DEF8: variants seen among roughly 807,000 people sequenced by gnomAD.
DEF8 encodes differentially expressed in FDCP 8 homolog, also known as DEF-8.
A neutral mutation model predicts 59.1 loss-of-function variants in DEF8; 38 were observed. That is an observed-to-expected ratio of 0.64 (90% CI 0.50 to 0.84). DEF8 has a LOEUF of 0.84. DEF8 is among the 40% of genes least tolerant of loss of function. The pLI is 0.00. For synonymous variants in DEF8, 265 were observed against 250.1 expected (o/e 1.06, Z -0.56); for missense variants, 557 against 615.2 (o/e 0.91, Z 1.00).
In DEF8 at chr16:89,954,105, G is replaced by A; in HGVS notation, c.-10-138G>A. ...CAGGAAAAGGCTGAAGATCAAGGCTGTGGTGTGAGGACTACCCACTTTAGG... is the reference window on the plus strand; with the variant it reads ...CAGGAAAAGGCTGAAGATCAAGGCTATGGTGTGAGGACTACCCACTTTAGG... On this transcript the variant is annotated intron_variant, in intron 2 of 12. Transcript: ENST00000563594. This position sits in a 1 kb window ranked among gnomAD's most constrained non-coding sequence, Gnocchi z 4.3. 2.3e-6 allele frequency: 2 copies of A among 861,838 alleles called. No individual in the cohort carries two copies. Among genetic ancestry groups the A allele is most frequent in the Non-Finnish European group, 1.8e-6 (1 of 558,394 alleles). The allele number at this position is 861,838 out of a possible 1,614,324, so 53.4% of individuals were successfully genotyped here.
chr16:89,964,161 A>C lies in DEF8; in HGVS notation c.1003-9A>C. 1 of 1,613,566 alleles carries C rather than the reference A, an allele frequency of 6.2e-7. No homozygotes were observed. The highest frequency in any genetic ancestry group is 8.5e-7 in the Non-Finnish European group (1 of 1,179,858). On this transcript the variant is annotated splice_polypyrimidine_tract_variant and intron_variant, in intron 10 of 12. Coordinates refer to ENST00000563594, the MANE Select transcript of DEF8 (RefSeq NM_001242818.2). ...GGTGCAGGGCGTCACGGCTGCTGGG[A>C]CTTGGCAGCTCCAGGATCGGCAGCA...
At chr16:89,963,290 G>A (rs865847334) in intron 9 of DEF8, 73 bp from the exon 10 acceptor site, 43 of 1,341,036 alleles carry the variant, frequency 3.2e-5, no homozygotes, top group Non-Finnish European at 3.9e-5. Flanking sequence ...CCGTGGCCCC[G>A]GGTGTGCGGC....
chr16:89,964,021 G>T, intron 10 of DEF8, 149 bp from the exon 11 acceptor site: 2 of 1,068,234 alleles, frequency 1.9e-6, no homozygotes, highest in Non-Finnish European at 2.9e-6. Flanking sequence ...CGGCTTCCTG[G>T]GGCTCCTGGA....
intron 9 of DEF8, among the ~76,000 whole-genome samples, chr16:89,962,420 G>A (rs1297440716): frequency 1.3e-5 from 2 of 152,370 alleles, no homozygotes; most frequent in Non-Finnish European, 1.5e-5. Flanking sequence ...GCACTTGGGA[G>A]GCTGAGGTGG....
At position 89,962,032 on chromosome 16, in the gene DEF8, C is replaced by T; in HGVS notation, c.828C>T (p.Arg276=). Residue 276 remains arginine (R), a synonymous_variant, in exon 9 of 13, where the codon CGC becomes CGT. Transcript: ENST00000563594. The part of the protein sequence containing the change: ...EPRKVSRCSM[R]YLALMVSRPV... ...GGCAGGTTTCTCGCTGCAGCATGCG[C>T]TACCTGGCGCTGATGGTGTCTCGGC... is the stretch of plus-strand genomic sequence containing the variant. 6.2e-7 allele frequency: 1 copy of T among 1,614,076 alleles called. No individual in the cohort carries two copies.
intron 2 of DEF8, chr16:89,950,069 C>G: frequency 1.0e-6 from 1 of 995,632 alleles, no homozygotes; most frequent in Non-Finnish European, 1.2e-6. Context: ...TTTCACAGCC[C>G]GGAGGAGAGC....
chr16:89,952,166 G>C (rs547201028), intron 2 of DEF8, among the ~76,000 whole-genome samples: 47 of 152,300 alleles, frequency 3.1e-4, no homozygotes, highest in South Asian at 4.1e-4. Context: ...CGTGAGCCAC[G>C]GCGCCCAGCC....
chr16:89,955,250 A>G lies in DEF8; in HGVS notation c.206A>G (p.His69Arg). ...ATGGATCTCGGCCTGTCTGAGGACC[A>G]CTTCTCCCGCCCTGTGGTAAGGTTT... Reference protein sequence around the residue: ...RVMDLGLSEDHFSRPVGLFLA... With the variant: ...RVMDLGLSEDRFSRPVGLFLA... The change falls in exon 4 of 13, where the codon CAC becomes CGC. Residue 69 changes from histidine (H) to arginine (R), a missense_variant. Coordinates refer to ENST00000563594, the MANE Select transcript of DEF8 (RefSeq NM_001242818.2). 1 of 1,612,668 alleles carries G rather than the reference A, an allele frequency of 6.2e-7. No individual in the cohort carries two copies. The highest frequency in any genetic ancestry group is 8.5e-7 in the Non-Finnish European group (1 of 1,179,596).
Position 89,966,166 on chromosome 16 carries a change from C to T in DEF8, c.*203C>T, listed in dbSNP as rs2034592610. 1 of 528,170 alleles carries T rather than the reference C, an allele frequency of 1.9e-6. No individual in the cohort carries two copies. The allele number at this position is 528,170 out of a possible 1,614,324, so 32.7% of individuals were successfully genotyped here. A position where few individuals can be genotyped will look rare whatever the true frequency, so the allele number is the denominator to read the frequency against. On this transcript the variant is annotated 3_prime_UTR_variant, in exon 13 of 13. Transcript: ENST00000563594. The stretch of plus-strand genomic sequence containing the variant: ...TCGGGGCGGCTGCACCTGGCTGTCA[C>T]CTGGGTGTGCTGCTGTGAGGGGTCC...
rs754403881 is a variant in DEF8 at position 89,962,040 on chromosome 16, C to T, written c.836C>T (p.Ala279Val). 12 of 1,614,028 alleles carry T rather than the reference C, an allele frequency of 7.4e-6. No individual in the cohort carries two copies. Among genetic ancestry groups the T allele is most frequent in the East Asian group, 2.2e-5 (1 of 44,880 alleles). Residue 279 changes from alanine (A) to valine (V), a missense_variant, in exon 9 of 13, where the codon GCG becomes GTG. Ala to Val is a moderately conservative substitution (Grantham distance 64, BLOSUM62 0). Transcript: ENST00000563594. ...TCTCGCTGCAGCATGCGCTACCTGG[C>T]GCTGATGGTGTCTCGGCCCGTACTC... The part of the protein sequence containing the change: ...KVSRCSMRYL[A>V]LMVSRPVLRL...
intron 6 of DEF8, 199 bp downstream of exon 6, chr16:89,959,354 C>A: frequency 7.0e-7 from 1 of 1,437,614 alleles, no homozygotes. Context: ...AGAAATTAAA[C>A]TAGTGAATTA....
chr16:89,953,266 C>T (rs2032528668), intron 2 of DEF8, among the ~76,000 whole-genome samples: 1 of 152,160 alleles, frequency 6.6e-6, no homozygotes, highest in South Asian at 2.1e-4. Flanking sequence ...CACAATGGCC[C>T]ATTACGGATG....
In DEF8 at chr16:89,958,317, G is replaced by A. The variant is rs190783596; in HGVS notation, c.372+657G>A. On this transcript the variant is annotated intron_variant, in intron 5 of 12. Coordinates refer to ENST00000563594, the MANE Select transcript of DEF8 (RefSeq NM_001242818.2). ...TGTGTGCCCACCCACTGAAGCAAGC[G>A]GGTGGGCTAAGTAAGTTCCTCCCTG... 4.5e-3 allele frequency: 697 copies of A among 154,032 alleles called. 2 individuals carry two copies. The highest frequency in any genetic ancestry group is 7.2e-3 in the Non-Finnish European group (500 of 69,220). 9.5% of individuals were successfully genotyped at this position (154,032 alleles called of 1,614,324 possible). A position where few individuals can be genotyped will look rare whatever the true frequency, so the allele number is the denominator to read the frequency against.
At position 89,954,371 on chromosome 16, in the gene DEF8, C is replaced by T; in HGVS notation, c.119C>T (p.Pro40Leu). 5 of 1,613,436 alleles carry T rather than the reference C, an allele frequency of 3.1e-6. No individual in the cohort carries two copies. The highest frequency in any genetic ancestry group is 2.5e-6 in the Non-Finnish European group (3 of 1,179,714). The change falls in exon 3 of 13, where the codon CCT becomes CTT. Residue 40 changes from proline to leucine, a missense_variant. Coordinates refer to ENST00000563594, the MANE Select transcript of DEF8 (RefSeq NM_001242818.2). This position sits in a 1 kb window ranked among gnomAD's most constrained non-coding sequence, Gnocchi z 4.3. ...GGGGAGGAGGTCCCGGACGTCACTC[C>T]TGAAGGTGGGTGCTGGTGGGAGTCA... ...GPGEEVPDVT[P>L]EEALPELPPG...
At chr16:89,961,957 C>G (rs2034079592) in intron 8 of DEF8, 55 bp from the exon 9 acceptor site, 4 of 1,608,928 alleles carry the variant, frequency 2.5e-6, no homozygotes, top group Non-Finnish European at 3.4e-6. Context: ...TGGGTGTTGC[C>G]CGCTGCACGG....
chr16:89,963,277 C>A, intron 9 of DEF8, 86 bp from the exon 10 acceptor site: 1 of 1,189,682 alleles, frequency 8.4e-7, no homozygotes, highest in South Asian at 1.4e-5. Context: ...CCTCCTGGCC[C>A]TGCCGTGGCC....
intron 2 of DEF8, among the ~76,000 whole-genome samples, chr16:89,950,628 A>G (rs1190923942): frequency 6.6e-6 from 1 of 151,978 alleles, no homozygotes; most frequent in Non-Finnish European, 1.5e-5. Flanking sequence ...ACCTCAAATG[A>G]TCCACCCGCC....
rs377269615 is a variant in DEF8, at chr16:89,957,588, C to T, written c.300C>T (p.Pro100=). 9 of 1,586,842 alleles carry T rather than the reference C, an allele frequency of 5.7e-6. No homozygotes were observed. In the Admixed American group the frequency reaches 7.2e-5, roughly 13 times the overall value. The change falls in exon 5 of 13, where the codon CCC becomes CCT. Residue 100 remains proline (P), a synonymous_variant. Coordinates refer to ENST00000563594, the MANE Select transcript of DEF8 (RefSeq NM_001242818.2). ...EECKQVILEL[P]EQSEKQKDAV... ...GCAAGCAGGTGATTCTGGAGCTGCCCGAGCAGTCGGAGAAGCAGAAGGATG... is the reference window on the plus strand; with the variant it reads ...GCAAGCAGGTGATTCTGGAGCTGCCTGAGCAGTCGGAGAAGCAGAAGGATG...
At chr16:89,953,213 C>T (rs530456900) in intron 2 of DEF8, among the ~76,000 whole-genome samples, 6 of 152,170 alleles carry the variant, frequency 3.9e-5, no homozygotes, top group Non-Finnish European at 4.4e-5. Context: ...GACCTTACAG[C>T]GAGCTTACTT....
Sources: allele counts gnomAD v4.1 joint callset (sites outside exome capture counted in the v4.1 genomes callset), GRCh38; gene constraint gnomAD v4.1.1; non-coding constraint Gnocchi (gnomAD v3.1); transcripts MANE v1.5; gene names NCBI Gene and HGNC (gene_info 2026-07-23, HGNC 2026-07-21).